EPG5: variants seen among roughly 807,000 people sequenced by gnomAD.
EPG5 encodes ectopic P granules protein 5 homolog.
A neutral mutation model predicts 302.7 loss-of-function variants in EPG5; 159 were observed. The ratio of observed to expected loss-of-function variants is 0.53; its 90% CI spans 0.46 to 0.60. EPG5 has a LOEUF of 0.60. Among genes scored for constraint, EPG5 ranks in the 20% least tolerant of loss-of-function variants. The pLI, the probability that EPG5 is intolerant of heterozygous loss-of-function variation, is 0.00. For missense variants in EPG5, 2,896 were observed against 3,092.4 expected, an observed-to-expected ratio of 0.94 and a Z score of 1.51; for synonymous variants, 1,158 against 1,136.8, an observed-to-expected ratio of 1.02 and a Z score of -0.37.
intron 9 of EPG5, among the ~76,000 whole-genome samples, chr18:45,940,168 G>T (rs1483870609): frequency 6.6e-6 from 1 of 152,194 alleles, no homozygotes; most frequent in East Asian, 1.9e-4. Context: ...TCTATGAGAA[G>T]AGTGTCCACG....
chr18:45,854,560 AGG>A (rs1434034971), intron 43 of EPG5, among the ~76,000 whole-genome samples: 1 of 150,968 alleles, frequency 6.6e-6, no homozygotes, highest in Non-Finnish European at 1.5e-5. Flanking sequence ...CCAAAAAACC[AGG>A]ATAATAATAG....
chr18:45,901,455 C>T (rs2049616231), intron 25 of EPG5, among the ~76,000 whole-genome samples: 1 of 152,064 alleles, frequency 6.6e-6, no homozygotes, highest in African/African-American at 2.4e-5. Context: ...TGGTAGCTAT[C>T]ATCTGAATAA....
rs72918379 is a variant in EPG5 at position 45,951,275 on chromosome 18, T to C, written c.1253-37A>G. ...AGATATTAAATGAGTCTCTCATAAATGGTGTTTTTGGGGGAATTTTTAGTG... is the reference window on the plus strand; with the variant it reads ...AGATATTAAATGAGTCTCTCATAAACGGTGTTTTTGGGGGAATTTTTAGTG... On this transcript the variant is annotated intron_variant, in intron 3 of 43. Coordinates refer to ENST00000282041, the MANE Select transcript of EPG5 (RefSeq NM_020964.3). The C allele has an allele frequency of 0.043, 59,226 of 1,375,966 alleles. 1,373 individuals carry two copies. Among genetic ancestry groups the C allele is most frequent in the African/African-American group, 0.07 (4,760 of 67,930 alleles). The allele number at this position is 1,375,966 out of a possible 1,614,324, so 85.2% of individuals were successfully genotyped here.
intron 22 of EPG5, among the ~76,000 whole-genome samples, chr18:45,912,000 C>T (rs1298631304): frequency 4.6e-5 from 7 of 152,164 alleles, no homozygotes; most frequent in Non-Finnish European, 8.8e-5. Context: ...AAGGCAGTTG[C>T]TCTCCCTTTG....
intron 1 of EPG5, among the ~76,000 whole-genome samples, chr18:45,959,638 G>T (rs1387528508): frequency 6.7e-6 from 1 of 149,726 alleles, no homozygotes; most frequent in Non-Finnish European, 1.5e-5. Context: ...GGGCGGGGTG[G>T]CAACAGAGCG....
downstream of EPG5, among the ~76,000 whole-genome samples, chr18:45,846,728 C>A (rs554600634): frequency 6.6e-6 from 1 of 152,092 alleles, no homozygotes; most frequent in African/African-American, 2.4e-5. Flanking sequence ...CAGTGCAAAG[C>A]AAAATCAAGT....
At chr18:45,908,332 T>C (rs1304280684) in intron 23 of EPG5, among the ~76,000 whole-genome samples, 1 of 152,068 alleles carries the variant, frequency 6.6e-6, no homozygotes, top group South Asian at 2.1e-4. Flanking sequence ...TGACAACAAT[T>C]CTTAAAGTAG....
At chr18:45,930,615 AAC>A in intron 12 of EPG5, 59 bp downstream of exon 12, 1 of 1,413,810 alleles carries the variant, frequency 7.1e-7, no homozygotes, top group Non-Finnish European at 9.4e-7. Flanking sequence ...CCAAAAAATC[AAC>A]AGATGGACAA....
intron 42 of EPG5, among the ~76,000 whole-genome samples, chr18:45,855,935 C>T (rs1318340592): frequency 1.3e-5 from 2 of 152,176 alleles, no homozygotes; most frequent in Non-Finnish European, 2.9e-5. Context: ...AACTGGAACC[C>T]TTGCACATTG....
chr18:45,927,986 G>A (rs1211329830), intron 13 of EPG5, among the ~76,000 whole-genome samples: 2 of 152,124 alleles, frequency 1.3e-5, no homozygotes, highest in Non-Finnish European at 2.9e-5. Context: ...CTGAGGTTAG[G>A]AGTTCAAGAC....
chr18:45,894,786 T>C (rs2049433190), intron 27 of EPG5, among the ~76,000 whole-genome samples: 1 of 152,138 alleles, frequency 6.6e-6, no homozygotes. Context: ...AAGTAAAATG[T>C]CTGTGAAGTG....
chr18:45,961,655 G>T (rs1468985936), intron 1 of EPG5, among the ~76,000 whole-genome samples: 1 of 152,182 alleles, frequency 6.6e-6, no homozygotes, highest in Non-Finnish European at 1.5e-5. Context: ...GAGGTCAGGA[G>T]TTCGAGACCA....
the EPG5 span, among the ~76,000 whole-genome samples, chr18:45,808,556 G>A: frequency 1.6e-4 from 25 of 152,174 alleles, no homozygotes; most frequent in Admixed American, 1.5e-3. Flanking sequence ...ACGCTAGAAG[G>A]GATTGGGGGC....
At chr18:45,814,383 C>T in the EPG5 span, among the ~76,000 whole-genome samples, 1 of 152,142 alleles carries the variant, frequency 6.6e-6, no homozygotes, top group South Asian at 2.1e-4. Context: ...ACTAAAGAGA[C>T]TACATAACTA....
chr18:45,824,933 C>G, the EPG5 span, among the ~76,000 whole-genome samples: 1 of 151,950 alleles, frequency 6.6e-6, no homozygotes, highest in East Asian at 1.9e-4. Flanking sequence ...GTTAGAGAGA[C>G]TAGGAAGACC....
intron 1 of EPG5, among the ~76,000 whole-genome samples, chr18:45,964,426 A>C (rs2051206855): frequency 6.6e-6 from 1 of 152,228 alleles, no homozygotes; most frequent in Non-Finnish European, 1.5e-5. Context: ...GGGGAAAAAA[A>C]CTAGAGATTA....
chr18:45,890,477 TTCCTAAATTCACCAATTTAGGTTC>T (rs1256713802), intron 27 of EPG5, among the ~76,000 whole-genome samples: 7 of 152,220 alleles, frequency 4.6e-5, no homozygotes, highest in Non-Finnish European at 1.0e-4. Flanking sequence ...AATTGGCTAA[TTCCTAAATTCACCAATTTAGGTTC>T]CTAGAAGCTG....
rs1488276059 is a variant in EPG5, at chr18:45,955,168, A to C, written c.234T>G (p.Ser78Arg). The change falls in exon 2 of 44, where the codon AGT becomes AGG. Residue 78 changes from serine (S) to arginine (R), a missense_variant. Physicochemically the swap from Ser to Arg is moderately radical, Grantham distance 110. This residue lies in a region of EPG5 where 1,390 missense variants were observed against 1,430.0 expected (regional missense o/e 0.97). Transcript: ENST00000282041. Reference protein sequence around the residue: ...LQDDASGQNESEMFDVPLTSL... With the variant: ...LQDDASGQNEREMFDVPLTSL... ...AGGTGAGTGGTACATCAAACATTTC[A>C]CTCTCATTTTGTCCACTGGCATCAT... 2 of 1,612,966 alleles carry C rather than the reference A, an allele frequency of 1.2e-6. No homozygotes were observed. The highest frequency in any genetic ancestry group is 4.5e-5 in the East Asian group (2 of 44,844).
intron 7 of EPG5, 81 bp downstream of exon 7, chr18:45,946,582 T>G (rs2050787408): frequency 9.6e-7 from 1 of 1,039,530 alleles, no homozygotes; most frequent in Admixed American, 1.9e-5. Context: ...AGATACTATG[T>G]GAAAAGTGCT....
Sources: gnomAD v4.1 joint callset for allele counts (sites outside exome capture counted in the v4.1 genomes callset) on GRCh38, gnomAD v4.1.1 for gene constraint, gnomAD v4.1.1 regional missense constraint, MANE v1.5 for transcripts, NCBI Gene and HGNC (gene_info 2026-07-23, HGNC 2026-07-21) for gene names.